GPR63: variants seen among roughly 807,000 people sequenced by gnomAD.
The protein encoded by GPR63 is probable G protein-coupled receptor 63.
Under a neutral mutation model 23.1 loss-of-function variants are expected in GPR63, and 12 were observed. The ratio of observed to expected loss-of-function variants is 0.52; its 90% CI spans 0.33 to 0.84. The LOEUF (loss-of-function observed/expected upper bound fraction) is 0.84. Ranked by LOEUF, GPR63 falls within the 40% of genes least tolerant of loss-of-function variation. The pLI, the probability that GPR63 is intolerant of heterozygous loss-of-function variation, is 0.02. For synonymous variants in GPR63, 172 were observed against 191.1 expected, an observed-to-expected ratio of 0.90 and a Z score of 0.82; for missense variants, 472 against 515.6, an observed-to-expected ratio of 0.92 and a Z score of 0.82.
In GPR63 at chr6:96,797,594, T is replaced by C. The variant is rs1272032296; in HGVS notation, c.*878A>G. 6.6e-6 allele frequency: 1 copy of C among 152,180 alleles called. No homozygotes were observed. The highest frequency in any genetic ancestry group is 2.4e-5 in the African/African-American group (1 of 41,438). The allele number at this position is 152,180 out of a possible 1,614,324, so 9.4% of individuals were successfully genotyped here. A position where few individuals can be genotyped will look rare whatever the true frequency, so the allele number is the denominator to read the frequency against. ...CCTGTAAGGATAAAATGATGCACAG[T>C]GCCTGACACATAGGTGTCCATAAAT... On this transcript the variant is annotated 3_prime_UTR_variant, in exon 2 of 2. Coordinates refer to ENST00000229955, the MANE Select transcript of GPR63 (RefSeq NM_030784.4).
intron 1 of GPR63, among the ~76,000 whole-genome samples, chr6:96,814,689 G>A (rs1774120360): frequency 6.6e-6 from 1 of 152,130 alleles, no homozygotes; most frequent in South Asian, 2.1e-4. Flanking sequence ...TAAAAATGCT[G>A]TCCCTCATCC....
intron 1 of GPR63, among the ~76,000 whole-genome samples, chr6:96,825,848 A>T (rs900268093): frequency 6.6e-6 from 1 of 151,934 alleles, no homozygotes; most frequent in Non-Finnish European, 1.5e-5. Flanking sequence ...TTTTATTGTT[A>T]ACCTACAGCA....
At position 96,795,883 on chromosome 6, in the gene GPR63, T is replaced by C. The variant is rs1049602540; in HGVS notation, c.*2589A>G. The C allele has an allele frequency of 1.3e-5, 2 of 152,240 alleles. No homozygotes were observed. The highest frequency in any genetic ancestry group is 4.8e-5 in the African/African-American group (2 of 41,466). 9.4% of individuals were successfully genotyped at this position (152,240 alleles called of 1,614,324 possible). A position where few individuals can be genotyped will look rare whatever the true frequency, so the allele number is the denominator to read the frequency against. On this transcript the variant is annotated 3_prime_UTR_variant, in exon 2 of 2. Coordinates refer to ENST00000229955, the MANE Select transcript of GPR63 (RefSeq NM_030784.4). ...AGCATAATACACTTCAAAATGCTAC[T>C]AGTATCTACTACAGTGCTTATGTCC...
intron 1 of GPR63, among the ~76,000 whole-genome samples, chr6:96,835,337 T>C (rs771810800): frequency 2.6e-5 from 4 of 152,110 alleles, no homozygotes; most frequent in Admixed American, 2.0e-4. Flanking sequence ...CATATACAGA[T>C]ATGGTATATA....
rs1275360799 is a variant in GPR63 at position 96,798,040 on chromosome 6, AG to A, written c.*431del. On this transcript the variant is annotated 3_prime_UTR_variant, in exon 2 of 2. Transcript: ENST00000229955. Reference sequence around the variant, plus strand: ...AATAAAACTAAATATATATTGATTGAGATGTTTGGCTCCAATGTGATGGTAA... The same window carrying A: ...AATAAAACTAAATATATATTGATTGAATGTTTGGCTCCAATGTGATGGTAA... 6.3e-6 allele frequency: 1 copy of A among 157,568 alleles called. No individual in the cohort carries two copies. The highest frequency in any genetic ancestry group is 1.9e-4 in the East Asian group (1 of 5,306). 9.8% of individuals were successfully genotyped at this position (157,568 alleles called of 1,614,324 possible).
intron 1 of GPR63, among the ~76,000 whole-genome samples, chr6:96,803,353 T>C (rs62413028): frequency 0.033 from 4,985 of 152,318 alleles, 129 homozygotes; most frequent in Middle Eastern, 0.068. Context: ...AACCAGCCCA[T>C]GAACACAGAG....
chr6:96,822,599 C>G (rs1372220586), intron 1 of GPR63, among the ~76,000 whole-genome samples: 1 of 152,190 alleles, frequency 6.6e-6, no homozygotes, highest in Non-Finnish European at 1.5e-5. Context: ...TACTTTTCAA[C>G]TTGACTTACA....
rs543446571 is a variant in GPR63, at chr6:96,800,381, A to G, written c.-150-500T>C. Among the ~76,000 whole-genome samples, 4 of 152,300 alleles carry G rather than the reference A, an allele frequency of 2.6e-5. No individual in the cohort carries two copies. The South Asian group carries it at 6.2e-4, about 24-fold the overall frequency. Reference sequence around the variant, plus strand: ...CTAAAGCAGGTTTCCTATTTCACACATAACAATTACACACTTTAGTTCTAA... The same window carrying G: ...CTAAAGCAGGTTTCCTATTTCACACGTAACAATTACACACTTTAGTTCTAA... On this transcript the variant is annotated intron_variant, in intron 1 of 1. Coordinates refer to ENST00000229955, the MANE Select transcript of GPR63 (RefSeq NM_030784.4).
chr6:96,813,158 T>G (rs1774084428), intron 1 of GPR63, among the ~76,000 whole-genome samples: 1 of 152,164 alleles, frequency 6.6e-6, no homozygotes, highest in African/African-American at 2.4e-5. Context: ...CCATCCATAT[T>G]GCTGCAAATA....
chr6:96,797,501 T>A lies in GPR63; in HGVS notation c.*971A>T, dbSNP rs1278393735. On this transcript the variant is annotated 3_prime_UTR_variant, in exon 2 of 2. Transcript: ENST00000229955. ...CTCTACCACTAACCTTGGGCAGGAT[T>A]TTAGTCCCTCTGAGACCTGCTTTCT... is the stretch of plus-strand genomic sequence containing the variant. 3 of 152,176 alleles carry A rather than the reference T, an allele frequency of 2.0e-5. No homozygotes were observed. Among genetic ancestry groups the A allele is most frequent in the Admixed American group, 1.3e-4 (2 of 15,272 alleles). 9.4% of individuals were successfully genotyped at this position (152,176 alleles called of 1,614,324 possible). A position where few individuals can be genotyped will look rare whatever the true frequency, so the allele number is the denominator to read the frequency against.
Position 96,799,093 on chromosome 6 carries a change from T to A in GPR63, c.639A>T (p.Leu213Phe), listed in dbSNP as rs1285791840. Residue 213 changes from leucine (L) to phenylalanine (F), a missense_variant, in exon 2 of 2, where the codon TTA becomes TTT. Coordinates refer to ENST00000229955, the MANE Select transcript of GPR63 (RefSeq NM_030784.4). ...TCTGCAGGTCGGGGTTTCCTACGGC[T>A]AAAGGAAAAGCTACACAAAAGGAAG... ...WATSFCVAFP[L>F]AVGNPDLQIP... 6.2e-7 allele frequency: 1 copy of A among 1,613,956 alleles called. No homozygotes were observed. Among genetic ancestry groups the A allele is most frequent in the Admixed American group, 1.7e-5 (1 of 59,986 alleles).
intron 1 of GPR63, among the ~76,000 whole-genome samples, chr6:96,817,003 T>C (rs1414793310): frequency 2.0e-5 from 3 of 152,116 alleles, no homozygotes; most frequent in African/African-American, 7.2e-5. Context: ...TCAAAAGCAC[T>C]GGCTATAAAG....
At chr6:96,807,203 C>T (rs1028660086) in intron 1 of GPR63, among the ~76,000 whole-genome samples, 5 of 152,210 alleles carry the variant, frequency 3.3e-5, no homozygotes, top group African/African-American at 4.8e-5. Flanking sequence ...TGAGATCAAT[C>T]AACCTCTCTC....
At chr6:96,824,382 G>C (rs1442770694) in intron 1 of GPR63, among the ~76,000 whole-genome samples, 1 of 151,910 alleles carries the variant, frequency 6.6e-6, no homozygotes, top group Non-Finnish European at 1.5e-5. Context: ...CTATAAAGCA[G>C]AATTCATCTA....
At chr6:96,808,146 G>T (rs1454409213) in intron 1 of GPR63, among the ~76,000 whole-genome samples, 1 of 152,094 alleles carries the variant, frequency 6.6e-6, no homozygotes. Context: ...AATAAATTTA[G>T]AAATGATGTG....
chr6:96,820,997 C>G (rs1562122955), intron 1 of GPR63, among the ~76,000 whole-genome samples: 1 of 152,158 alleles, frequency 6.6e-6, no homozygotes, highest in Non-Finnish European at 1.5e-5. Flanking sequence ...AAACAATAGT[C>G]TATCTATTGA....
chr6:96,831,431 T>TA (rs1372945604), intron 1 of GPR63, among the ~76,000 whole-genome samples: 4 of 142,924 alleles, frequency 2.8e-5, no homozygotes, highest in Non-Finnish European at 6.1e-5. Flanking sequence ...ATATTACACT[T>TA]ACCAAAAAAA....
chr6:96,828,707 GA>G (rs1348312879), intron 1 of GPR63, among the ~76,000 whole-genome samples: 2 of 151,898 alleles, frequency 1.3e-5, no homozygotes, highest in Non-Finnish European at 2.9e-5. Flanking sequence ...TAAATATAAA[GA>G]GACTAAACTC....
At chr6:96,806,478 G>A (rs1471540121) in intron 1 of GPR63, among the ~76,000 whole-genome samples, 2 of 152,128 alleles carry the variant, frequency 1.3e-5, no homozygotes, top group African/African-American at 4.8e-5. Flanking sequence ...AACAGGTCCG[G>A]GCTGCTATGA....
Sources: allele counts gnomAD v4.1 joint callset (sites outside exome capture counted in the v4.1 genomes callset), GRCh38; gene constraint gnomAD v4.1.1; transcripts MANE v1.5; gene names NCBI Gene and HGNC (gene_info 2026-07-23, HGNC 2026-07-21).